The following TENM2 variants were observed in gnomAD, a reference collection of about 807,000 sequenced individuals.
TENM2 encodes the protein teneurin-2.
In TENM2, 52 loss-of-function variants were observed where a neutral mutation model predicts 245.2. The observed-to-expected ratio is 0.21, with a 90% CI of 0.17 to 0.27. The LOEUF is 0.27. Ranked by LOEUF, TENM2 falls within the 10% of genes least tolerant of loss-of-function variation. The probability of loss-of-function intolerance (pLI) is 1.00; values close to 1 mark genes in which losing one functional copy is unlikely to be tolerated. For synonymous variants in TENM2, 1,363 were observed against 1,438.9 expected, an observed-to-expected ratio of 0.95 and a Z score of 1.19; for missense variants, 3,046 against 3,666.8, an observed-to-expected ratio of 0.83 and a Z score of 4.37.
intron 24 of TENM2, among the ~76,000 whole-genome samples, chr5:168,226,528 A>G (rs975090537): frequency 6.6e-6 from 1 of 151,996 alleles, no homozygotes; most frequent in African/African-American, 2.4e-5. Context: ...GAAAATGTCC[A>G]TTTCCACCCG....
At chr5:167,915,898 A>G (rs539470715) in intron 3 of TENM2, among the ~76,000 whole-genome samples, 1 of 152,336 alleles carries the variant, frequency 6.6e-6, no homozygotes, top group East Asian at 1.9e-4. Flanking sequence ...TATATGAGTG[A>G]GAAATGTGGG....
At chr5:167,062,500 A>G in the TENM2 span, among the ~76,000 whole-genome samples, 1 of 85,764 alleles carries the variant, frequency 1.2e-5, no homozygotes, top group African/African-American at 1.2e-4. Flanking sequence ...AAGAATACAC[A>G]TTGAAAAAAA....
the TENM2 span, among the ~76,000 whole-genome samples, chr5:167,236,705 C>A: frequency 6.6e-6 from 1 of 152,086 alleles, no homozygotes; most frequent in Non-Finnish European, 1.5e-5. Context: ...GTGGTCCATA[C>A]CTAGATCTAG....
At chr5:167,156,141 AC>A in the TENM2 span, among the ~76,000 whole-genome samples, 1 of 152,220 alleles carries the variant, frequency 6.6e-6, no homozygotes, top group Non-Finnish European at 1.5e-5. Flanking sequence ...GGGGATGCCT[AC>A]AGAGGAAAAT....
chr5:167,096,063 C>T, the TENM2 span, among the ~76,000 whole-genome samples: 176 of 152,220 alleles, frequency 1.2e-3, 2 homozygotes, highest in African/African-American at 4.0e-3. Context: ...TGAGCCACCA[C>T]GCCTGGCAAA....
At chr5:167,166,639 T>C in the TENM2 span, among the ~76,000 whole-genome samples, 1 of 152,206 alleles carries the variant, frequency 6.6e-6, no homozygotes, top group African/African-American at 2.4e-5. Flanking sequence ...CATACCTTTA[T>C]ATACCCTTTT....
intron 2 of TENM2, among the ~76,000 whole-genome samples, chr5:167,524,516 G>A (rs1157444798): frequency 2.6e-5 from 4 of 152,152 alleles, no homozygotes; most frequent in Middle Eastern, 3.4e-3. Context: ...AAAATGTAAT[G>A]TGTGTACCAT....
At position 167,640,862 on chromosome 5, in the gene TENM2, T is replaced by TATATATATATATCC. The variant is rs1779528601; in HGVS notation, c.503-235112_503-235111insCCATATATATATAT. ...ATATCCATATATATATATATATCCA[T>TATATATATATATCC]ATATATATATATATATATATATATA... On this transcript the variant is annotated intron_variant, in intron 2 of 28. Transcript: ENST00000518659. Among the ~76,000 whole-genome samples the TATATATATATATCC allele has an allele frequency of 2.5e-4, 5 of 19,844 alleles. No individual in the cohort carries two copies. In the African/African-American group the frequency reaches 2.5e-3, roughly 10 times the overall value. The allele number at this position is 19,844 out of a possible 152,430, so 13.0% of individuals were successfully genotyped here.
chr5:167,523,607 A>C (rs1459378886), intron 2 of TENM2, among the ~76,000 whole-genome samples: 1 of 152,164 alleles, frequency 6.6e-6, no homozygotes, highest in African/African-American at 2.4e-5. Flanking sequence ...ATGACAAATA[A>C]AACTATTCTA....
intron 2 of TENM2, among the ~76,000 whole-genome samples, chr5:167,696,757 G>A (rs764101189): frequency 2.6e-5 from 4 of 152,190 alleles, no homozygotes; most frequent in Non-Finnish European, 4.4e-5. Context: ...ACACTTTGTC[G>A]GAGAGACTCG....
chr5:167,798,956 C>T (rs1484658136), intron 2 of TENM2, among the ~76,000 whole-genome samples: 1 of 152,222 alleles, frequency 6.6e-6, no homozygotes, highest in African/African-American at 2.4e-5. Context: ...GTCCCCACCT[C>T]TGCACTGCCG....
chr5:167,142,619 C>T, the TENM2 span, among the ~76,000 whole-genome samples: 7 of 152,174 alleles, frequency 4.6e-5, no homozygotes, highest in African/African-American at 1.4e-4. Context: ...GGCACGATCT[C>T]GGCTCACTGC....
intron 2 of TENM2, among the ~76,000 whole-genome samples, chr5:167,668,662 G>A (rs372567598): frequency 5.3e-5 from 8 of 152,250 alleles, no homozygotes; most frequent in African/African-American, 1.7e-4. Flanking sequence ...ATTTCTGATA[G>A]TAAAGGCTTA....
At chr5:167,787,414 G>A (rs1267858994) in intron 2 of TENM2, among the ~76,000 whole-genome samples, 1 of 152,208 alleles carries the variant, frequency 6.6e-6, no homozygotes, top group Non-Finnish European at 1.5e-5. Flanking sequence ...AGGCCTGGCT[G>A]AATCCAGAGC....
the TENM2 span, among the ~76,000 whole-genome samples, chr5:167,097,291 A>T: frequency 6.6e-6 from 1 of 152,232 alleles, no homozygotes; most frequent in Non-Finnish European, 1.5e-5. Flanking sequence ...CTGCACAGAA[A>T]CCAAGGGCAA....
At chr5:167,910,732 T>C (rs947556083) in intron 3 of TENM2, among the ~76,000 whole-genome samples, 3 of 152,228 alleles carry the variant, frequency 2.0e-5, no homozygotes, top group Admixed American at 6.5e-5. Flanking sequence ...GCGTTCTTTG[T>C]CTTGAATACT....
chr5:168,031,139 A>G (rs1293720646), intron 5 of TENM2, among the ~76,000 whole-genome samples: 1 of 152,184 alleles, frequency 6.6e-6, no homozygotes, highest in Non-Finnish European at 1.5e-5. Flanking sequence ...CTTCACCACA[A>G]AAGTGCAGCT....
intron 1 of TENM2, among the ~76,000 whole-genome samples, chr5:167,300,694 T>C (rs1031842564): frequency 2.6e-5 from 4 of 151,738 alleles, no homozygotes; most frequent in East Asian, 1.9e-4. Flanking sequence ...GGGTGCATGA[T>C]TGGTCGATAA....
Position 168,162,806 on chromosome 5 carries a change from C to T in TENM2, c.2569+49C>T, listed in dbSNP as rs148398164. 9.7e-5 allele frequency: 155 copies of T among 1,590,858 alleles called. 2 individuals are homozygous for T. The East Asian group carries it at 3.4e-3, about 35-fold the overall frequency. The stretch of plus-strand genomic sequence containing the variant: ...CAGCCCCTAAGAGCAGAGCGTTGTC[C>T]ATGCTTTTGTCATAAGTCATTTTTC... On this transcript the variant is annotated intron_variant, in intron 13 of 28. Coordinates refer to ENST00000518659, the Ensembl canonical transcript of TENM2.
Sources: allele counts gnomAD v4.1 joint callset (sites outside exome capture counted in the v4.1 genomes callset), GRCh38; gene constraint gnomAD v4.1.1; transcripts MANE v1.5; gene names NCBI Gene and HGNC (gene_info 2026-07-23, HGNC 2026-07-21).